The following PPP2CB variants were observed in gnomAD, a reference collection of about 807,000 sequenced individuals.
PPP2CB encodes the protein serine/threonine-protein phosphatase 2A catalytic subunit beta isoform.
PPP2CB carries 18 observed loss-of-function variants against 39.1 expected under a neutral mutation model. The ratio of observed to expected loss-of-function variants is 0.46; its 90% CI spans 0.32 to 0.68. PPP2CB has a LOEUF of 0.68. Ranked by LOEUF, PPP2CB falls within the 30% of genes least tolerant of loss-of-function variation. The pLI is 0.04. For synonymous variants in PPP2CB, 129 were observed against 133.8 expected, an observed-to-expected ratio of 0.96 and a Z score of 0.25; for missense variants, 226 against 396.9, an observed-to-expected ratio of 0.57 and a Z score of 3.66.
chr8:30,797,494 G>T, intron 3 of PPP2CB, 87 bp downstream of exon 3: 1 of 1,302,254 alleles, frequency 7.7e-7, no homozygotes, highest in South Asian at 1.6e-5. Flanking sequence ...AGAAACACAG[G>T]TCATATGAAT....
At chr8:30,812,149 G>T (rs1238097905) in intron 1 of PPP2CB, among the ~76,000 whole-genome samples, 171 bp downstream of exon 1, 4 of 151,966 alleles carry the variant, frequency 2.6e-5, no homozygotes, top group Admixed American at 1.3e-4. Flanking sequence ...CAACGCCCCG[G>T]GCCCTGAACC....
rs754436920 is a variant in PPP2CB, at chr8:30,812,398, C to T, written c.24G>A (p.Lys8=). The change falls in exon 1 of 7, where the codon AAG becomes AAA. Residue 8 remains lysine, a synonymous_variant. Coordinates refer to ENST00000221138, the MANE Select transcript of PPP2CB (RefSeq NM_001009552.2). Reference sequence around the variant, plus strand: ...GCTGCTCGACCCACTGGTCCAGCTCCTTGGTGAACGCCTTGTCGTCCATGG... The same window carrying T: ...GCTGCTCGACCCACTGGTCCAGCTCTTTGGTGAACGCCTTGTCGTCCATGG... MDDKAFT[K]ELDQWVEQLN... 8 of 1,543,300 alleles carry T rather than the reference C, an allele frequency of 5.2e-6. No individual in the cohort carries two copies. The highest frequency in any genetic ancestry group is 1.4e-5 in the African/African-American group (1 of 71,032).
At chr8:30,809,433 T>C (rs972459689) in intron 1 of PPP2CB, among the ~76,000 whole-genome samples, 1 of 152,058 alleles carries the variant, frequency 6.6e-6, no homozygotes, top group African/African-American at 2.4e-5. Context: ...AACATATATA[T>C]GTATATATAC....
Position 30,812,383 on chromosome 8 carries a change from C to G in PPP2CB, c.39G>C (p.Trp13Cys). 1 of 1,559,874 alleles carries G rather than the reference C, an allele frequency of 6.4e-7. No individual in the cohort carries two copies. Among genetic ancestry groups the G allele is most frequent in the Non-Finnish European group, 8.7e-7 (1 of 1,149,952 alleles). Residue 13 changes from tryptophan to cysteine, a missense_variant, in exon 1 of 7, where the codon TGG becomes TGC. By Grantham distance (215) the Trp-to-Cys change is radical (BLOSUM62 -2). Transcript: ENST00000221138. ...DKAFTKELDQ[W>C]VEQLNECKQL... Reference sequence around the variant, plus strand: ...GCTTACACTCGTTCAGCTGCTCGACCCACTGGTCCAGCTCCTTGGTGAACG... The same window carrying G: ...GCTTACACTCGTTCAGCTGCTCGACGCACTGGTCCAGCTCCTTGGTGAACG...
At chr8:30,789,417 C>T (rs1806394843) in intron 6 of PPP2CB, among the ~76,000 whole-genome samples, 1 of 152,220 alleles carries the variant, frequency 6.6e-6, no homozygotes, top group Non-Finnish European at 1.5e-5. Flanking sequence ...AAAGATTGTA[C>T]TTAAGCCCCC....
chr8:30,812,115 T>C (rs1806842242), intron 1 of PPP2CB, among the ~76,000 whole-genome samples: 1 of 150,962 alleles, frequency 6.6e-6, no homozygotes, highest in Non-Finnish European at 1.5e-5. Context: ...GAGGCGGAGG[T>C]GGAAGGGGCA....
intron 6 of PPP2CB, 191 bp from the exon 7 acceptor site, chr8:30,786,498 T>C (rs980388728): frequency 4.9e-6 from 2 of 404,868 alleles, no homozygotes; most frequent in South Asian, 8.0e-5. Context: ...CATAGGGCTA[T>C]GGTGAAAATT....
rs1234588036 is a variant in PPP2CB at position 30,804,618 on chromosome 8, C to T, written c.103-4863G>A. Among the ~76,000 whole-genome samples, 3 of 152,170 alleles carry T rather than the reference C, an allele frequency of 2.0e-5. No homozygotes were observed. The East Asian group carries it at 5.8e-4, about 29-fold the overall frequency. ...TTCTGTGAGTCATTCCTGTGAATCA[C>T]TGAACCTAAGAGTGGTTTTCGGAAC... is the stretch of plus-strand genomic sequence containing the variant. On this transcript the variant is annotated intron_variant, in intron 1 of 6. Coordinates refer to ENST00000221138, the MANE Select transcript of PPP2CB (RefSeq NM_001009552.2).
intron 6 of PPP2CB, among the ~76,000 whole-genome samples, chr8:30,789,506 AG>A (rs1806396585): frequency 6.6e-6 from 1 of 152,312 alleles, no homozygotes; most frequent in East Asian, 1.9e-4. Context: ...TCAAAGCTGA[AG>A]GAGTTTATAT....
chr8:30,812,236 G>A, intron 1 of PPP2CB, 84 bp downstream of exon 1: 17 of 1,056,248 alleles, frequency 1.6e-5, no homozygotes, highest in Non-Finnish European at 2.1e-5. Context: ...CGCCGGGCCA[G>A]GGGCGGACGG....
chr8:30,799,726 A>G lies in PPP2CB; in HGVS notation c.132T>C (p.Asn44=). 6.2e-7 allele frequency: 1 copy of G among 1,613,746 alleles called. No homozygotes were observed. The highest frequency in any genetic ancestry group is 1.1e-5 in the South Asian group (1 of 90,900). Residue 44 remains asparagine (N), a synonymous_variant, in exon 2 of 7, where the codon AAT becomes AAC. Coordinates refer to ENST00000221138, the MANE Select transcript of PPP2CB (RefSeq NM_001009552.2). ...KAKEILTKES[N]VQEVRCPVTV... ...TAACAGGGCAACGAACCTCTTGCAC[A>G]TTTGATTCTTTTGTTAAAATTTCCT...
intron 5 of PPP2CB, among the ~76,000 whole-genome samples, chr8:30,792,003 TACAC>T (rs59227189): frequency 6.6e-6 from 1 of 150,474 alleles, no homozygotes; most frequent in Non-Finnish European, 1.5e-5. Context: ...CATATATGTA[TACAC>T]ACATACATGT....
rs1217819037 is a variant in PPP2CB, at chr8:30,806,046, A to AT, written c.102+6273dup. Among the ~76,000 whole-genome samples, 941 of 137,246 alleles carry AT rather than the reference A, an allele frequency of 6.9e-3. 23 individuals carry two copies. In the East Asian group the frequency reaches 0.08, roughly 12 times the overall value. 90.0% of individuals were successfully genotyped at this position (137,246 alleles called of 152,430 possible). On this transcript the variant is annotated intron_variant, in intron 1 of 6. Coordinates refer to ENST00000221138, the MANE Select transcript of PPP2CB (RefSeq NM_001009552.2). ...AGAACTCCTTCCCAGGGTTAATATG[A>AT]TTTTTTTTTTTTTTTTTTTGAGATG...
chr8:30,803,711 CACAGTAAAA>C (rs1283694547), intron 1 of PPP2CB, among the ~76,000 whole-genome samples: 9 of 152,052 alleles, frequency 5.9e-5, no homozygotes, highest in African/African-American at 1.9e-4. Flanking sequence ...CTAAAACTTG[CACAGTAAAA>C]ATTATACACA....
At chr8:30,811,771 T>C (rs1806833067) in intron 1 of PPP2CB, among the ~76,000 whole-genome samples, 1 of 152,146 alleles carries the variant, frequency 6.6e-6, no homozygotes, top group African/African-American at 2.4e-5. Flanking sequence ...CGAGTAGCTG[T>C]GGCCACAGGC....
intron 1 of PPP2CB, among the ~76,000 whole-genome samples, chr8:30,809,338 A>ATTC (rs1395332509): frequency 6.6e-6 from 1 of 152,160 alleles, no homozygotes; most frequent in Non-Finnish European, 1.5e-5. Context: ...ACTGGAACTC[A>ATTC]GACAGGATGA....
chr8:30,797,271 T>A (rs777724742), intron 3 of PPP2CB, among the ~76,000 whole-genome samples: 1 of 152,274 alleles, frequency 6.6e-6, no homozygotes, highest in Non-Finnish European at 1.5e-5. Context: ...AACATCTTGC[T>A]TTGCTAGTAC....
intron 1 of PPP2CB, among the ~76,000 whole-genome samples, chr8:30,806,109 G>A (rs1294272999): frequency 4.0e-5 from 6 of 149,786 alleles, no homozygotes; most frequent in South Asian, 2.1e-4. Context: ...ATGCAGTGGC[G>A]CGATCTCGGC....
Position 30,812,722 on chromosome 8 carries a change from C to T in PPP2CB, c.-301G>A. ...AGGTGCCGGGGAGCGCGGCGCGGGT[C>T]CTCGGCCTAGCTCTCGCCGGACGAA... On this transcript the variant is annotated 5_prime_UTR_variant, in exon 1 of 7. Transcript: ENST00000221138. 2.2e-6 allele frequency: 1 copy of T among 463,328 alleles called. No individual in the cohort carries two copies. Among genetic ancestry groups the T allele is most frequent in the Admixed American group, 2.5e-5 (1 of 40,696 alleles). The allele number at this position is 463,328 out of a possible 1,614,324, so 28.7% of individuals were successfully genotyped here.
Sources: gnomAD v4.1 joint callset for allele counts (sites outside exome capture counted in the v4.1 genomes callset) on GRCh38, gnomAD v4.1.1 for gene constraint, MANE v1.5 for transcripts, NCBI Gene and HGNC (gene_info 2026-07-23, HGNC 2026-07-21) for gene names.